GALNTL6: variants seen among roughly 807,000 people sequenced by gnomAD.
The protein encoded by GALNTL6 is polypeptide N-acetylgalactosaminyltransferase-like 6.
In GALNTL6, 46 loss-of-function variants were observed where a neutral mutation model predicts 73.7. The ratio of observed to expected loss-of-function variants is 0.62; its 90% CI spans 0.49 to 0.80. The LOEUF is 0.80. Ranked by LOEUF, GALNTL6 falls within the 30% of genes least tolerant of loss-of-function variation. GALNTL6 has a pLI of 0.00. For synonymous variants in GALNTL6, 259 were observed against 263.7 expected, an observed-to-expected ratio of 0.98 and a Z score of 0.17; for missense variants, 604 against 755.0, an observed-to-expected ratio of 0.80 and a Z score of 2.34.
At chr4:172,632,598 A>T (rs754001089) in intron 5 of GALNTL6, among the ~76,000 whole-genome samples, 1 of 152,066 alleles carries the variant, frequency 6.6e-6, no homozygotes, top group South Asian at 2.1e-4. Context: ...TAAAAATCTG[A>T]CTATGCAATA....
chr4:172,548,230 T>C (rs1403664795), intron 5 of GALNTL6, among the ~76,000 whole-genome samples: 1 of 152,204 alleles, frequency 6.6e-6, no homozygotes, highest in Non-Finnish European at 1.5e-5. Context: ...GTATTTGCTT[T>C]ATATTTTTAT....
At chr4:171,926,544 G>T (rs1737990523) in intron 2 of GALNTL6, among the ~76,000 whole-genome samples, 1 of 151,998 alleles carries the variant, frequency 6.6e-6, no homozygotes, top group Admixed American at 6.6e-5. Context: ...ACTTTGCTAG[G>T]AATCCAGAAC....
intron 12 of GALNTL6, among the ~76,000 whole-genome samples, chr4:173,031,453 A>G (rs186895746): frequency 2.6e-5 from 4 of 152,264 alleles, no homozygotes; most frequent in Non-Finnish European, 5.9e-5. Flanking sequence ...TGAGAGCAGG[A>G]ATTTTTCTCT....
At chr4:171,877,845 A>G (rs113184003) in intron 2 of GALNTL6, among the ~76,000 whole-genome samples, 1 of 152,234 alleles carries the variant, frequency 6.6e-6, no homozygotes. Flanking sequence ...GCATACATCG[A>G]TTGATGTTGA....
At chr4:172,988,931 G>A (rs1751419430) in intron 10 of GALNTL6, among the ~76,000 whole-genome samples, 1 of 152,244 alleles carries the variant, frequency 6.6e-6, no homozygotes, top group African/African-American at 2.4e-5. Context: ...TGGATGTCCA[G>A]GCAGAAGTCT....
rs571254607 is a variant in GALNTL6, at chr4:172,388,304, A to T, written c.553+39615A>T. ...TTTTTTCGTTTTAGAAATACCATAC[A>T]TTGGTCAATTTAAAATCATAGAACG... On this transcript the variant is annotated intron_variant, in intron 5 of 12. Transcript: ENST00000506823. Among the ~76,000 whole-genome samples the T allele has an allele frequency of 8.5e-5, 13 of 152,238 alleles. No homozygotes were observed. The East Asian group carries it at 2.5e-3, about 29-fold the overall frequency.
rs534535712 is a variant in GALNTL6 at position 172,905,133 on chromosome 4, C to G, written c.1041+22226C>G. Among the ~76,000 whole-genome samples the G allele has an allele frequency of 1.7e-3, 253 of 152,062 alleles. 1 individual carries two copies. The highest frequency in any genetic ancestry group is 6.0e-3 in the African/African-American group (249 of 41,486). ...ATGTCATCAAATTTAATTTCTTATCCCATTCAACACTAGTGCAAAATGAAA... is the reference window on the plus strand; with the variant it reads ...ATGTCATCAAATTTAATTTCTTATCGCATTCAACACTAGTGCAAAATGAAA... On this transcript the variant is annotated intron_variant, in intron 8 of 12. Coordinates refer to ENST00000506823, the MANE Select transcript of GALNTL6 (RefSeq NM_001034845.3).
At chr4:172,633,418 G>A (rs1211052950) in intron 5 of GALNTL6, among the ~76,000 whole-genome samples, 1 of 152,220 alleles carries the variant, frequency 6.6e-6, no homozygotes, top group Admixed American at 6.5e-5. Flanking sequence ...GCTGGATTTT[G>A]AAGTTGCATG....
At chr4:171,889,355 T>A (rs1736695512) in intron 2 of GALNTL6, among the ~76,000 whole-genome samples, 1 of 152,088 alleles carries the variant, frequency 6.6e-6, no homozygotes, top group Non-Finnish European at 1.5e-5. Flanking sequence ...ATTGACCTGG[T>A]TGTATAATCA....
chr4:171,831,060 A>G (rs1364516072), intron 2 of GALNTL6, among the ~76,000 whole-genome samples: 1 of 152,094 alleles, frequency 6.6e-6, no homozygotes, highest in African/African-American at 2.4e-5. Flanking sequence ...AATTTTGGGA[A>G]TATAGACTGA....
intron 5 of GALNTL6, among the ~76,000 whole-genome samples, chr4:172,480,910 G>C (rs1254153562): frequency 6.6e-6 from 1 of 152,134 alleles, no homozygotes; most frequent in Non-Finnish European, 1.5e-5. Flanking sequence ...AAGGATCAAA[G>C]CACACAATGC....
At chr4:172,717,710 A>G (rs1409587034) in intron 5 of GALNTL6, among the ~76,000 whole-genome samples, 1 of 152,256 alleles carries the variant, frequency 6.6e-6, no homozygotes, top group Non-Finnish European at 1.5e-5. Context: ...TTTCTAAGCC[A>G]TGAATAGAAC....
At chr4:172,303,925 C>T (rs946564606) in intron 3 of GALNTL6, among the ~76,000 whole-genome samples, 1 of 152,150 alleles carries the variant, frequency 6.6e-6, no homozygotes, top group Non-Finnish European at 1.5e-5. Flanking sequence ...TTGTCTGCCT[C>T]ATAATACAAA....
chr4:172,584,497 G>A (rs1051488044), intron 5 of GALNTL6, among the ~76,000 whole-genome samples: 1 of 152,102 alleles, frequency 6.6e-6, no homozygotes, highest in African/African-American at 2.4e-5. Flanking sequence ...AAGGACTCAA[G>A]GACAAGAGAA....
At chr4:171,950,232 G>A (rs964433191) in intron 2 of GALNTL6, among the ~76,000 whole-genome samples, 6 of 152,030 alleles carry the variant, frequency 3.9e-5, no homozygotes, top group Admixed American at 3.3e-4. Flanking sequence ...CAAGATAAAG[G>A]CATTTTAATA....
chr4:172,115,216 A>G (rs938549836), intron 2 of GALNTL6, among the ~76,000 whole-genome samples: 3 of 152,032 alleles, frequency 2.0e-5, no homozygotes, highest in Non-Finnish European at 4.4e-5. Context: ...CTTGTCCAGT[A>G]TTTTCCCCCA....
chr4:173,022,426 C>G (rs1324594501), intron 12 of GALNTL6, among the ~76,000 whole-genome samples: 1 of 152,194 alleles, frequency 6.6e-6, no homozygotes, highest in African/African-American at 2.4e-5. Flanking sequence ...AGGTTTAACT[C>G]AGAACACTCC....
At chr4:172,315,666 A>G (rs569484713) in intron 4 of GALNTL6, among the ~76,000 whole-genome samples, 1 of 152,230 alleles carries the variant, frequency 6.6e-6, no homozygotes, top group East Asian at 1.9e-4. Flanking sequence ...ATCAGCCTGA[A>G]TCTCTCCTTA....
At chr4:171,946,502 CT>C (rs1738705849) in intron 2 of GALNTL6, among the ~76,000 whole-genome samples, 2 of 152,174 alleles carry the variant, frequency 1.3e-5, no homozygotes, top group Non-Finnish European at 2.9e-5. Context: ...TGTTATTCAT[CT>C]CTCTGTCTCT....
Sources: allele counts gnomAD v4.1 joint callset (sites outside exome capture counted in the v4.1 genomes callset), GRCh38; gene constraint gnomAD v4.1.1; transcripts MANE v1.5; gene names NCBI Gene and HGNC (gene_info 2026-07-23, HGNC 2026-07-21).